Variants in DLG2 observed in about 807,000 individuals in gnomAD.
DLG2 encodes the protein discs large MAGUK scaffold protein 2.
DLG2 carries 45 observed loss-of-function variants against 132.5 expected under a neutral mutation model. That is an observed-to-expected ratio of 0.34 (90% CI 0.27 to 0.44). DLG2 has a LOEUF of 0.44. Among genes scored for constraint, DLG2 ranks in the 20% least tolerant of loss-of-function variants. The probability of loss-of-function intolerance (pLI) is 1.00; values close to 1 mark genes in which losing one functional copy is unlikely to be tolerated. For synonymous variants in DLG2, 424 were observed against 419.6 expected, an observed-to-expected ratio of 1.01 and a Z score of -0.13; for missense variants, 1,045 against 1,196.9, an observed-to-expected ratio of 0.87 and a Z score of 1.87.
At chr11:83,483,278 G>C in intron 22 of DLG2, 1 of 1,612,834 alleles carries the variant, frequency 6.2e-7, no homozygotes, top group Middle Eastern at 1.7e-4. Context: ...CATAACCGTC[G>C]TCACCTAATC....
intron 4 of DLG2, among the ~76,000 whole-genome samples, chr11:85,209,775 A>C (rs1226876148): frequency 6.6e-6 from 1 of 151,556 alleles, no homozygotes; most frequent in African/African-American, 2.4e-5. Flanking sequence ...TCATTTATAT[A>C]ATCCAAAAAT....
intron 7 of DLG2, among the ~76,000 whole-genome samples, chr11:84,277,835 A>G (rs1470621763): frequency 6.6e-6 from 1 of 152,172 alleles, no homozygotes; most frequent in Admixed American, 6.5e-5. Flanking sequence ...CAAAATCAAG[A>G]TGGAGGAAGA....
intron 6 of DLG2, among the ~76,000 whole-genome samples, chr11:84,695,208 C>G (rs1379001755): frequency 3.3e-5 from 5 of 151,496 alleles, no homozygotes; most frequent in African/African-American, 1.2e-4. Flanking sequence ...TAGGCTTTAT[C>G]AGGCTCATAT....
chr11:84,068,869 A>G (rs941575558), intron 10 of DLG2, among the ~76,000 whole-genome samples: 1 of 152,196 alleles, frequency 6.6e-6, no homozygotes, highest in African/African-American at 2.4e-5. Flanking sequence ...TAAAGTTGAA[A>G]TAGGTTTGTA....
chr11:85,403,118 T>C lies in DLG2; in HGVS notation c.41-117753A>G, dbSNP rs2088335711. ...AAATGTCCATCAACAATAGACTGGA[T>C]TAAGAAAATGTGGCACATATACACC... On this transcript the variant is annotated intron_variant, in intron 3 of 27. Transcript: ENST00000376104. Among the ~76,000 whole-genome samples the C allele has an allele frequency of 2.0e-5, 3 of 152,072 alleles. No individual in the cohort carries two copies. The South Asian group carries it at 6.2e-4, about 32-fold the overall frequency.
chr11:85,351,567 T>G (rs1274508661), intron 3 of DLG2, among the ~76,000 whole-genome samples: 1 of 152,214 alleles, frequency 6.6e-6, no homozygotes, highest in African/African-American at 2.4e-5. Context: ...TAGCTCTTAT[T>G]ATTTTGAGAT....
At chr11:85,098,844 T>A (rs1443439885) in intron 6 of DLG2, among the ~76,000 whole-genome samples, 1 of 152,206 alleles carries the variant, frequency 6.6e-6, no homozygotes, top group Admixed American at 6.5e-5. Context: ...GATGAAAATA[T>A]ATGGACCAGC....
At chr11:85,384,532 T>A (rs1177482915) in intron 3 of DLG2, among the ~76,000 whole-genome samples, 2 of 152,184 alleles carry the variant, frequency 1.3e-5, no homozygotes, top group Non-Finnish European at 2.9e-5. Flanking sequence ...ATTTATAAAC[T>A]GAGCTGAGGT....
intron 7 of DLG2, among the ~76,000 whole-genome samples, chr11:84,428,127 C>T (rs771817324): frequency 6.6e-6 from 1 of 152,164 alleles, no homozygotes. Flanking sequence ...AAGCTATCCT[C>T]CAAAAGCATT....
At chr11:85,306,088 AAAATACCC>A (rs1343200171) in intron 3 of DLG2, among the ~76,000 whole-genome samples, 15 of 152,288 alleles carry the variant, frequency 9.8e-5, no homozygotes, top group African/African-American at 3.6e-4. Context: ...TAAAATACAG[AAAATACCC>A]ATCTTGTAAA....
chr11:85,494,750 A>G (rs2093634221), intron 3 of DLG2, among the ~76,000 whole-genome samples: 1 of 152,138 alleles, frequency 6.6e-6, no homozygotes, highest in Admixed American at 6.5e-5. Flanking sequence ...TGGCTTTAAA[A>G]GAAAGTTAAG....
intron 6 of DLG2, among the ~76,000 whole-genome samples, chr11:85,106,120 A>G (rs2071710131): frequency 6.6e-6 from 1 of 152,022 alleles, no homozygotes; most frequent in Admixed American, 6.6e-5. Context: ...ATGCTGGAAC[A>G]ATTAACACTT....
chr11:84,940,000 G>C (rs2049193548), intron 6 of DLG2, among the ~76,000 whole-genome samples: 1 of 152,164 alleles, frequency 6.6e-6, no homozygotes, highest in African/African-American at 2.4e-5. Context: ...GGATCCTGCA[G>C]ACTTTTCTCC....
chr11:83,505,577 A>G (rs1456902758), intron 21 of DLG2, among the ~76,000 whole-genome samples: 2 of 152,184 alleles, frequency 1.3e-5, no homozygotes, highest in Non-Finnish European at 2.9e-5. Context: ...AGGTCCATCC[A>G]TATACCTCTT....
intron 19 of DLG2, among the ~76,000 whole-genome samples, chr11:83,608,989 T>C (rs2059734332): frequency 6.6e-6 from 1 of 152,042 alleles, no homozygotes; most frequent in South Asian, 2.1e-4. Context: ...TAGCAAGCCG[T>C]CAGCACATTC....
intron 18 of DLG2, among the ~76,000 whole-genome samples, chr11:83,741,874 G>A (rs2092544678): frequency 6.6e-6 from 1 of 151,844 alleles, no homozygotes; most frequent in Non-Finnish European, 1.5e-5. Flanking sequence ...AATTAGCAAG[G>A]CGTGGTGGTG....
intron 18 of DLG2, among the ~76,000 whole-genome samples, chr11:83,770,417 C>T (rs1003067748): frequency 1.3e-5 from 2 of 151,682 alleles, no homozygotes; most frequent in Non-Finnish European, 1.5e-5. Context: ...AATATAATTA[C>T]TAAGCCCCAG....
intron 6 of DLG2, among the ~76,000 whole-genome samples, chr11:84,747,420 T>C (rs906699902): frequency 6.6e-6 from 1 of 152,190 alleles, no homozygotes; most frequent in Non-Finnish European, 1.5e-5. Context: ...TTTAGTAATT[T>C]TGAGGCAGAA....
intron 9 of DLG2, among the ~76,000 whole-genome samples, chr11:84,155,413 G>A (rs192274363): frequency 7.3e-5 from 11 of 150,874 alleles, no homozygotes; most frequent in Admixed American, 5.3e-4. Flanking sequence ...TGATTTACTC[G>A]ATATTTTGGT....
Sources: allele counts gnomAD v4.1 joint callset (sites outside exome capture counted in the v4.1 genomes callset), GRCh38; gene constraint gnomAD v4.1.1; transcripts MANE v1.5; gene names NCBI Gene and HGNC (gene_info 2026-07-23, HGNC 2026-07-21).